The following ANK2 variants were observed in gnomAD, a reference collection of about 807,000 sequenced individuals.
ANK2 encodes ankyrin-2.
In ANK2, 83 loss-of-function variants were observed where a neutral mutation model predicts 360.5. The observed-to-expected ratio is 0.23, with a 90% CI of 0.19 to 0.28. ANK2 has a LOEUF of 0.28. Among genes scored for constraint, ANK2 ranks in the 10% least tolerant of loss-of-function variants. ANK2 has a pLI of 1.00. For missense variants in ANK2, 4,201 were observed against 4,795.7 expected (o/e 0.88, Z 3.66); for synonymous variants, 1,740 against 1,759.5 (o/e 0.99, Z 0.28).
At chr4:113,089,731 G>A (rs2086787279) in intron 1 of ANK2, among the ~76,000 whole-genome samples, 1 of 152,140 alleles carries the variant, frequency 6.6e-6, no homozygotes, top group Non-Finnish European at 1.5e-5. Context: ...GGCTGAGGCA[G>A]GAGAATCGCT....
rs375151747 is a variant in ANK2 at position 113,354,755 on chromosome 4, A to G, written c.6137A>G (p.Glu2046Gly). The stretch of plus-strand genomic sequence containing the variant: ...ACCCAGAGAGAAGCTCAGAAAACAG[A>G]GAATCAGACAATCAAACGAGGCCAG... ...ILTQREAQKTENQTIKRGQRL... is the reference protein window; with the variant it reads ...ILTQREAQKTGNQTIKRGQRL... The change falls in exon 38 of 46, where the codon GAG (glutamate) becomes GGG (glycine). Residue 2046 changes from glutamate (E) to glycine (G), a missense_variant. Glu to Gly is a moderately conservative substitution (Grantham distance 98). This residue lies in a region of ANK2 where 2,642 missense variants were observed against 2,714.5 expected (regional missense o/e 0.97). Coordinates refer to ENST00000357077, the MANE Select transcript of ANK2 (RefSeq NM_001148.6). The G allele has an allele frequency of 6.2e-7, 1 of 1,613,566 alleles. No homozygotes were observed. Among genetic ancestry groups the G allele is most frequent in the Non-Finnish European group, 8.5e-7 (1 of 1,179,938 alleles).
chr4:113,222,391 ATTTTTTTTTTT>A (rs397880062), intron 4 of ANK2, among the ~76,000 whole-genome samples: 2 of 122,478 alleles, frequency 1.6e-5, no homozygotes, highest in South Asian at 5.1e-4. Context: ...CTCTGAAACA[ATTTTTTTTTTT>A]TTTTTTTTTT....
At chr4:112,775,641 G>C in the ANK2 span, among the ~76,000 whole-genome samples, 1 of 152,282 alleles carries the variant, frequency 6.6e-6, no homozygotes, top group South Asian at 2.1e-4. Flanking sequence ...AAAATGGGCA[G>C]GTTGTAGGGT....
At position 113,367,869 on chromosome 4, in the gene ANK2, G is replaced by T; in HGVS notation, c.11318+18G>T. On this transcript the variant is annotated intron_variant, in intron 42 of 45. Transcript: ENST00000357077. ...GAATATTTGTGAGTTTCCAAAGAAA[G>T]CCTGTCAAATGTAATACCAAAGAAA... 1.2e-6 allele frequency: 2 copies of T among 1,613,962 alleles called. No individual in the cohort carries two copies. The highest frequency in any genetic ancestry group is 1.7e-6 in the Non-Finnish European group (2 of 1,179,918).
At chr4:112,715,420 G>A in the ANK2 span, among the ~76,000 whole-genome samples, 2 of 152,020 alleles carry the variant, frequency 1.3e-5, no homozygotes, top group East Asian at 1.9e-4. Context: ...CATGTGGGAG[G>A]GATATTGGCC....
the ANK2 span, among the ~76,000 whole-genome samples, chr4:112,804,762 C>T: frequency 6.6e-6 from 1 of 151,948 alleles, no homozygotes; most frequent in South Asian, 2.1e-4. Flanking sequence ...CAAGACTCAT[C>T]TCGGCAACAC....
intron 1 of ANK2, among the ~76,000 whole-genome samples, chr4:113,121,998 A>G (rs190671695): frequency 6.6e-6 from 1 of 152,294 alleles, no homozygotes; most frequent in East Asian, 1.9e-4. Flanking sequence ...AAGTTATATT[A>G]GTATTTTTTC....
At chr4:113,076,818 G>A in intron 1 of ANK2, among the ~76,000 whole-genome samples, 1 of 148,004 alleles carries the variant, frequency 6.8e-6, no homozygotes, top group Non-Finnish European at 1.5e-5. Flanking sequence ...AAAAAAAACT[G>A]AAAAAATAAG....
At chr4:113,190,584 G>A (rs1202890915) in intron 2 of ANK2, among the ~76,000 whole-genome samples, 1 of 151,952 alleles carries the variant, frequency 6.6e-6, no homozygotes, top group African/African-American at 2.4e-5. Context: ...TAGAGCTAAT[G>A]AGAAGTTGAG....
chr4:112,760,340 C>T, the ANK2 span, among the ~76,000 whole-genome samples: 1 of 152,020 alleles, frequency 6.6e-6, no homozygotes, highest in Non-Finnish European at 1.5e-5. Flanking sequence ...GCGCCTGCTA[C>T]CACGCCCGGC....
chr4:113,328,592 A>G (rs1278604955), intron 26 of ANK2, among the ~76,000 whole-genome samples: 1 of 152,226 alleles, frequency 6.6e-6, no homozygotes, highest in Non-Finnish European at 1.5e-5. Flanking sequence ...CAGAAACATC[A>G]ACACTTCAGT....
intron 1 of ANK2, among the ~76,000 whole-genome samples, chr4:113,115,569 G>A (rs1313620363): frequency 6.6e-6 from 1 of 152,016 alleles, no homozygotes; most frequent in African/African-American, 2.4e-5. Flanking sequence ...GCTTGCTTAT[G>A]GGATATTTTA....
chr4:113,077,797 A>G (rs562738908), intron 1 of ANK2, among the ~76,000 whole-genome samples: 1 of 152,324 alleles, frequency 6.6e-6, no homozygotes, highest in Admixed American at 6.5e-5. Flanking sequence ...GCTGGCCTCC[A>G]TGCTACTACA....
At position 113,237,117 on chromosome 4, in the gene ANK2, C is replaced by G; in HGVS notation, c.614C>G (p.Thr205Ser). ...CATATTGCCGCTAGGAAAGACGACA[C>G]CAAATCTGCCGCACTTCTGCTTCAG... ...ALHIAARKDD[T>S]KSAALLLQND... Residue 205 changes from threonine (T) to serine (S), a missense_variant, in exon 6 of 46, where the codon ACC (threonine) becomes AGC (serine). By Grantham distance (58) the Thr-to-Ser change is moderately conservative. This residue lies in a region of ANK2 where 122 missense variants were observed against 239.3 expected (regional missense o/e 0.51). Transcript: ENST00000357077. The G allele has an allele frequency of 6.2e-7, 1 of 1,614,168 alleles. No homozygotes were observed. Among genetic ancestry groups the G allele is most frequent in the East Asian group, 2.2e-5 (1 of 44,892 alleles).
At chr4:113,068,957 G>T (rs563080573) in intron 1 of ANK2, among the ~76,000 whole-genome samples, 1 of 152,256 alleles carries the variant, frequency 6.6e-6, no homozygotes, top group East Asian at 1.9e-4. Context: ...CAGCTACTTG[G>T]GAAGCTGAAG....
At chr4:113,113,476 T>G (rs1395367161) in intron 1 of ANK2, among the ~76,000 whole-genome samples, 1 of 152,182 alleles carries the variant, frequency 6.6e-6, no homozygotes, top group Non-Finnish European at 1.5e-5. Context: ...AATGGCCATT[T>G]TATCTCCTGT....
At chr4:113,261,790 C>T (rs1049057799) in intron 13 of ANK2, among the ~76,000 whole-genome samples, 1 of 151,718 alleles carries the variant, frequency 6.6e-6, no homozygotes, top group Non-Finnish European at 1.5e-5. Context: ...GTGTAAAACC[C>T]ATAAAAAAAA....
rs1188358928 is a variant in ANK2, at chr4:113,292,430, T to A, written c.2292T>A (p.Pro764=). 6.2e-7 allele frequency: 1 copy of A among 1,610,494 alleles called. No homozygotes were observed. The highest frequency in any genetic ancestry group is 8.5e-7 in the Non-Finnish European group (1 of 1,178,422). Residue 764 remains proline (P), a synonymous_variant, in exon 21 of 46, where the codon CCT becomes CCA. Transcript: ENST00000357077. ...VNAKTKNGYT[P]LHQAAQQGHT... ...GTCCTCCACAGAACGGCTACACGCC[T>A]TTGCACCAGGCCGCTCAGCAGGGTC... is the stretch of plus-strand genomic sequence containing the variant.
intron 2 of ANK2, among the ~76,000 whole-genome samples, chr4:113,175,102 A>C (rs1374841423): frequency 1.3e-5 from 2 of 152,128 alleles, no homozygotes; most frequent in South Asian, 4.1e-4. Flanking sequence ...TAAGATTTTT[A>C]CATCATGAAT....
Sources: allele counts gnomAD v4.1 joint callset (sites outside exome capture counted in the v4.1 genomes callset), GRCh38; gene constraint gnomAD v4.1.1; regional missense constraint gnomAD v4.1.1; transcripts MANE v1.5; gene names NCBI Gene and HGNC (gene_info 2026-07-23, HGNC 2026-07-21).